Variants in ZMYM2 observed in about 807,000 individuals in gnomAD.
The protein encoded by ZMYM2 is zinc finger MYM-type containing 2.
In ZMYM2, 56 loss-of-function variants were observed where a neutral mutation model predicts 162.8. The ratio of observed to expected loss-of-function variants is 0.34; its 90% CI spans 0.28 to 0.43. ZMYM2 has a LOEUF of 0.43. Among genes scored for constraint, ZMYM2 ranks in the 20% least tolerant of loss-of-function variants. The pLI, the probability that ZMYM2 is intolerant of heterozygous loss-of-function variation, is 1.00. For synonymous variants in ZMYM2, 510 were observed against 541.6 expected, an observed-to-expected ratio of 0.94 and a Z score of 0.81; for missense variants, 1,275 against 1,621.8, an observed-to-expected ratio of 0.79 and a Z score of 3.67.
At chr13:19,883,502 G>A in the ZMYM2 span, among the ~76,000 whole-genome samples, 97 of 152,034 alleles carry the variant, frequency 6.4e-4, no homozygotes, top group Non-Finnish European at 1.2e-3. Context: ...AAAAGGCTGA[G>A]CTTAGCACAT....
At chr13:19,994,321 T>TA (rs1407226160) in intron 3 of ZMYM2, among the ~76,000 whole-genome samples, 3 of 152,210 alleles carry the variant, frequency 2.0e-5, no homozygotes, top group Admixed American at 2.0e-4. Context: ...TCTCTAAATT[T>TA]AAAAAGCAAA....
the ZMYM2 span, among the ~76,000 whole-genome samples, chr13:19,939,324 G>A: frequency 1.4e-4 from 21 of 151,734 alleles, no homozygotes; most frequent in East Asian, 3.9e-4. Flanking sequence ...GCACCCAGCC[G>A]TAATTTTGTC....
chr13:20,070,367 C>T, intron 21 of ZMYM2: 1 of 199,842 alleles, frequency 5.0e-6, no homozygotes, highest in South Asian at 1.0e-4. Flanking sequence ...TGCATTTATT[C>T]ATATTTGTAT....
At chr13:19,999,791 G>C (rs1360360068) in intron 3 of ZMYM2, among the ~76,000 whole-genome samples, 1 of 152,106 alleles carries the variant, frequency 6.6e-6, no homozygotes, top group Non-Finnish European at 1.5e-5. Context: ...ACACAGGAAT[G>C]ATAACAAAGT....
At chr13:19,952,119 T>C in the ZMYM2 span, among the ~76,000 whole-genome samples, 1 of 152,012 alleles carries the variant, frequency 6.6e-6, no homozygotes, top group East Asian at 1.9e-4. Context: ...TTATGTTAAA[T>C]GAAATAAGCC....
At chr13:19,901,778 C>CT in the ZMYM2 span, among the ~76,000 whole-genome samples, 8 of 152,022 alleles carry the variant, frequency 5.3e-5, no homozygotes, top group Non-Finnish European at 4.4e-5. Context: ...CCTGGCCCAA[C>CT]TTTTTTTAAA....
the ZMYM2 span, among the ~76,000 whole-genome samples, chr13:19,945,818 G>A: frequency 1.3e-5 from 2 of 151,768 alleles, no homozygotes; most frequent in African/African-American, 2.4e-5. Flanking sequence ...GCATGGTTAC[G>A]CATACCTGTA....
At chr13:19,916,645 A>G in the ZMYM2 span, among the ~76,000 whole-genome samples, 2 of 143,734 alleles carry the variant, frequency 1.4e-5, no homozygotes, top group African/African-American at 5.1e-5. Flanking sequence ...TCTCACTCAT[A>G]GGTGGGAATT....
intron 21 of ZMYM2, among the ~76,000 whole-genome samples, chr13:20,073,224 A>G (rs948153236): frequency 3.3e-5 from 5 of 152,176 alleles, no homozygotes; most frequent in Non-Finnish European, 7.4e-5. Context: ...TGTATCTTGA[A>G]CAATCCAGCT....
chr13:19,950,229 T>A, the ZMYM2 span, among the ~76,000 whole-genome samples: 1 of 152,086 alleles, frequency 6.6e-6, no homozygotes, highest in South Asian at 2.1e-4. Context: ...AAAAGTAAAA[T>A]CATTGTGTAT....
At chr13:19,949,450 T>A in the ZMYM2 span, among the ~76,000 whole-genome samples, 1 of 151,714 alleles carries the variant, frequency 6.6e-6, no homozygotes, top group East Asian at 1.9e-4. Flanking sequence ...AAAAATTAGC[T>A]GGATGTGGTG....
rs1310437560 is a variant in ZMYM2 at position 20,006,347 on chromosome 13, G to T, written c.1300-27G>T. The T allele has an allele frequency of 4.5e-6, 7 of 1,542,118 alleles. No homozygotes were observed. In the African/African-American group the frequency reaches 9.6e-5, roughly 21 times the overall value. The stretch of plus-strand genomic sequence containing the variant: ...GCTACTTGTCAGATTGATCTGTTTT[G>T]TAAGATTTTGTTTATTTTTCTTTTA... On this transcript the variant is annotated intron_variant, in intron 5 of 24. Coordinates refer to ENST00000610343, the MANE Select transcript of ZMYM2 (RefSeq NM_197968.4).
intron 2 of ZMYM2, among the ~76,000 whole-genome samples, chr13:19,971,573 T>C (rs967662119): frequency 3.3e-5 from 5 of 151,950 alleles, no homozygotes; most frequent in Non-Finnish European, 5.9e-5. Context: ...CCCAGCCGAT[T>C]CATTTTTAAG....
intron 19 of ZMYM2, among the ~76,000 whole-genome samples, chr13:20,065,807 G>T (rs1299369949): frequency 6.6e-6 from 1 of 152,076 alleles, no homozygotes. Context: ...TACTTACCTG[G>T]CAGGGGAGAT....
chr13:19,915,832 T>G, the ZMYM2 span, among the ~76,000 whole-genome samples: 1 of 151,592 alleles, frequency 6.6e-6, no homozygotes, highest in Non-Finnish European at 1.5e-5. Flanking sequence ...TAATAGTATT[T>G]TATTATTGTC....
At chr13:19,930,422 T>C in the ZMYM2 span, among the ~76,000 whole-genome samples, 1 of 151,614 alleles carries the variant, frequency 6.6e-6, no homozygotes, top group Non-Finnish European at 1.5e-5. Context: ...AATAAGTAAA[T>C]AAATAATTTT....
At chr13:19,878,694 A>G in the ZMYM2 span, among the ~76,000 whole-genome samples, 12 of 150,606 alleles carry the variant, frequency 8.0e-5, no homozygotes, top group Admixed American at 2.6e-4. Context: ...GCTAATTTTT[A>G]TATTTTTAGT....
At chr13:19,914,534 A>C in the ZMYM2 span, among the ~76,000 whole-genome samples, 214 of 152,350 alleles carry the variant, frequency 1.4e-3, no homozygotes, top group Middle Eastern at 6.8e-3. Context: ...GTGATCAGCC[A>C]ACTACCTGAA....
At chr13:20,037,335 C>T (rs1022657894) in intron 12 of ZMYM2, among the ~76,000 whole-genome samples, 11 of 151,076 alleles carry the variant, frequency 7.3e-5, no homozygotes, top group African/African-American at 2.7e-4. Flanking sequence ...TGTGCCTCAG[C>T]CTCCCAAGTA....
Sources: gnomAD v4.1 joint callset for allele counts (sites outside exome capture counted in the v4.1 genomes callset) on GRCh38, gnomAD v4.1.1 for gene constraint, MANE v1.5 for transcripts, NCBI Gene and HGNC (gene_info 2026-07-23, HGNC 2026-07-21) for gene names.